Variants in ADAMTSL3 observed in about 807,000 individuals in gnomAD.
ADAMTSL3 encodes the protein ADAMTS-like protein 3.
ADAMTSL3 carries 128 observed loss-of-function variants against 201.7 expected under a neutral mutation model. The ratio of observed to expected loss-of-function variants is 0.63; its 90% CI spans 0.55 to 0.73. ADAMTSL3 has a LOEUF of 0.73. Ranked by LOEUF, ADAMTSL3 falls within the 30% of genes least tolerant of loss-of-function variation. The probability of loss-of-function intolerance (pLI) is 0.00; values close to 1 mark genes in which losing one functional copy is unlikely to be tolerated. For synonymous variants in ADAMTSL3, 738 were observed against 748.4 expected, an observed-to-expected ratio of 0.99 and a Z score of 0.23; for missense variants, 1,990 against 2,119.6, an observed-to-expected ratio of 0.94 and a Z score of 1.20.
chr15:83,745,540 C>G (rs2062531293), intron 3 of ADAMTSL3, among the ~76,000 whole-genome samples: 1 of 152,160 alleles, frequency 6.6e-6, no homozygotes, highest in Non-Finnish European at 1.5e-5. Context: ...TTTGCTCCTG[C>G]CAGCACCCAA....
At position 83,923,900 on chromosome 15, in the gene ADAMTSL3, G is replaced by A; in HGVS notation, c.1988-4G>A. 4 of 1,613,542 alleles carry A rather than the reference G, an allele frequency of 2.5e-6. No homozygotes were observed. Among genetic ancestry groups the A allele is most frequent in the Non-Finnish European group, 3.4e-6 (4 of 1,179,738 alleles). ...TTGCATTTTTTCCTCTTTCTAACCT[G>A]CAGGCCATCAAGAAGCCATAGCAGT... On this transcript the variant is annotated splice_region_variant and splice_polypyrimidine_tract_variant and intron_variant, in intron 16 of 29. Coordinates refer to ENST00000286744, the MANE Select transcript of ADAMTSL3 (RefSeq NM_207517.3).
chr15:83,987,940 TAAAAG>T (rs2067510866), intron 21 of ADAMTSL3, among the ~76,000 whole-genome samples: 1 of 152,116 alleles, frequency 6.6e-6, no homozygotes, highest in Non-Finnish European at 1.5e-5. Flanking sequence ...TAAAATAAAA[TAAAAG>T]AACAAGCACT....
chr15:84,018,749 G>C (rs2068137060), intron 25 of ADAMTSL3, among the ~76,000 whole-genome samples: 1 of 152,104 alleles, frequency 6.6e-6, no homozygotes, highest in African/African-American at 2.4e-5. Context: ...AGAGCTTTGA[G>C]GTCCAAGGTA....
rs1409615113 is a variant in ADAMTSL3 at position 83,682,586 on chromosome 15, A to G, written c.70-21803A>G. 2.6e-5 allele frequency among the ~76,000 whole-genome samples: 4 copies of G among 152,176 alleles called. No individual in the cohort carries two copies. The South Asian group carries it at 8.3e-4, about 32-fold the overall frequency. On this transcript the variant is annotated intron_variant, in intron 2 of 29. Coordinates refer to ENST00000286744, the MANE Select transcript of ADAMTSL3 (RefSeq NM_207517.3). ...ATGGCTGAGTAGATTGATGACTAGTATATTGGAAGAGGAACTAAGTTGGTG... is the reference window on the plus strand; with the variant it reads ...ATGGCTGAGTAGATTGATGACTAGTGTATTGGAAGAGGAACTAAGTTGGTG...
intron 2 of ADAMTSL3, among the ~76,000 whole-genome samples, chr15:83,671,441 G>A (rs1369583411): frequency 6.6e-6 from 1 of 152,134 alleles, no homozygotes; most frequent in Non-Finnish European, 1.5e-5. Flanking sequence ...CTTCTGGACA[G>A]CAAAGGCAAA....
chr15:83,673,274 C>A (rs772111451), intron 2 of ADAMTSL3, among the ~76,000 whole-genome samples: 1 of 152,232 alleles, frequency 6.6e-6, no homozygotes, highest in Non-Finnish European at 1.5e-5. Flanking sequence ...AGAAACCCAG[C>A]CTACACCATG....
chr15:83,783,300 T>C (rs1426165), intron 4 of ADAMTSL3, among the ~76,000 whole-genome samples: 61,213 of 151,480 alleles, frequency 0.4, 13,139 homozygotes, highest in South Asian at 0.63. Context: ...GCAAATAGAA[T>C]CATGCTAAAA....
chr15:83,899,623 T>C (rs1277607437), intron 14 of ADAMTSL3, 24 bp from the exon 15 acceptor site: 14 of 1,602,712 alleles, frequency 8.7e-6, no homozygotes, highest in Non-Finnish European at 1.0e-5. Context: ...ATTAGGCTCA[T>C]TGTTTATGTT....
intron 6 of ADAMTSL3, among the ~76,000 whole-genome samples, chr15:83,837,640 G>A (rs1180386066): frequency 6.6e-6 from 1 of 151,776 alleles, no homozygotes; most frequent in Non-Finnish European, 1.5e-5. Flanking sequence ...AAAGCTGGGT[G>A]TTGGGGCACA....
intron 3 of ADAMTSL3, among the ~76,000 whole-genome samples, chr15:83,714,221 A>G (rs894473216): frequency 1.3e-5 from 2 of 151,912 alleles, no homozygotes; most frequent in South Asian, 4.2e-4. Flanking sequence ...TTTAATGTCC[A>G]CTCTTGGGCT....
chr15:84,013,305 A>G (rs538518976), intron 23 of ADAMTSL3, among the ~76,000 whole-genome samples: 2 of 152,228 alleles, frequency 1.3e-5, no homozygotes, highest in Non-Finnish European at 2.9e-5. Flanking sequence ...AAGTGTCACC[A>G]TGTTCATGGA....
intron 4 of ADAMTSL3, among the ~76,000 whole-genome samples, chr15:83,792,260 G>A (rs1217469763): frequency 1.3e-5 from 2 of 152,142 alleles, no homozygotes; most frequent in African/African-American, 4.8e-5. Flanking sequence ...CAGTATTTAA[G>A]TGATGTAAGC....
intron 19 of ADAMTSL3, among the ~76,000 whole-genome samples, chr15:83,959,321 C>T (rs901326364): frequency 4.7e-4 from 71 of 152,108 alleles, no homozygotes; most frequent in African/African-American, 1.6e-3. Flanking sequence ...CTCAGTTACT[C>T]GGGAGGCTGA....
intron 25 of ADAMTSL3, among the ~76,000 whole-genome samples, chr15:84,017,264 C>T (rs2068103470): frequency 6.6e-6 from 1 of 152,092 alleles, no homozygotes; most frequent in Non-Finnish European, 1.5e-5. Flanking sequence ...ACTACAGCCA[C>T]CCGCCACCAC....
chr15:83,748,681 A>C (rs1365142894), intron 3 of ADAMTSL3, among the ~76,000 whole-genome samples: 2 of 150,832 alleles, frequency 1.3e-5, no homozygotes, highest in Non-Finnish European at 3.0e-5. Flanking sequence ...AATACCACAC[A>C]CACAAAGAAG....
At chr15:83,824,451 TA>T (rs1024643204) in intron 6 of ADAMTSL3, among the ~76,000 whole-genome samples, 9 of 152,180 alleles carry the variant, frequency 5.9e-5, no homozygotes, top group African/African-American at 2.2e-4. Flanking sequence ...GTGATACAGT[TA>T]TTACAGTCGA....
At chr15:83,841,000 A>G (rs1193688555) in intron 7 of ADAMTSL3, among the ~76,000 whole-genome samples, 3 of 152,208 alleles carry the variant, frequency 2.0e-5, no homozygotes, top group Non-Finnish European at 4.4e-5. Flanking sequence ...CACATCCCAG[A>G]TAATAAGGAA....
intron 7 of ADAMTSL3, among the ~76,000 whole-genome samples, chr15:83,850,518 A>G (rs924774434): frequency 1.8e-5 from 2 of 111,630 alleles, no homozygotes; most frequent in Non-Finnish European, 4.6e-5. Flanking sequence ...TTTTTAAATT[A>G]TATATATATA....
chr15:83,727,377 A>G (rs2062195497), intron 3 of ADAMTSL3, among the ~76,000 whole-genome samples: 1 of 150,650 alleles, frequency 6.6e-6, no homozygotes, highest in East Asian at 2.0e-4. Flanking sequence ...TTTTGTGTTA[A>G]TTTCATTTAT....
Sources: allele counts gnomAD v4.1 joint callset (sites outside exome capture counted in the v4.1 genomes callset), GRCh38; gene constraint gnomAD v4.1.1; transcripts MANE v1.5; gene names NCBI Gene and HGNC (gene_info 2026-07-23, HGNC 2026-07-21).